Variants in EVA1A observed in about 807,000 individuals in gnomAD.
The protein encoded by EVA1A is eva-1 homolog A, regulator of programmed cell death.
A neutral mutation model predicts 9.8 loss-of-function variants in EVA1A; 7 were observed. The observed-to-expected ratio is 0.71, with a 90% confidence interval of 0.41 to 1.34. The LOEUF (loss-of-function observed/expected upper bound fraction) is 1.34. Among genes scored for constraint, EVA1A ranks in the 40% most tolerant of loss-of-function variants. EVA1A has a pLI of 0.01. For synonymous variants in EVA1A, 90 were observed against 85.6 expected (o/e 1.05, Z -0.28); for missense variants, 206 against 205.9 (o/e 1.00, Z 0.00).
At chr2:75,509,392 G>C (rs1674732121) in intron 3 of EVA1A, among the ~76,000 whole-genome samples, 2 of 152,000 alleles carry the variant, frequency 1.3e-5, no homozygotes, top group Non-Finnish European at 2.9e-5. Context: ...TCAAATATTT[G>C]CTGTTAACCA....
At chr2:75,530,988 T>A (rs1164310616) in intron 1 of EVA1A, among the ~76,000 whole-genome samples, 1 of 152,182 alleles carries the variant, frequency 6.6e-6, no homozygotes, top group African/African-American at 2.4e-5. Context: ...GATGTTATCA[T>A]ATACCTGGAA....
intron 1 of EVA1A, among the ~76,000 whole-genome samples, chr2:75,535,902 A>T (rs1244421361): frequency 4.6e-5 from 7 of 152,190 alleles, no homozygotes; most frequent in East Asian, 1.9e-4. Context: ...ATGTAACCAA[A>T]AAATACTTGT....
At chr2:75,548,022 A>G (rs918175048) in intron 1 of EVA1A, among the ~76,000 whole-genome samples, 1 of 152,258 alleles carries the variant, frequency 6.6e-6, no homozygotes, top group Non-Finnish European at 1.5e-5. Flanking sequence ...TCCTTTACAG[A>G]AAAAGTCTGC....
rs200893886 is a variant in EVA1A at position 75,505,375 on chromosome 2, G to A, written c.86-11766C>T. ...GAATCCATATGATTGATTCACTTTCGATTCTCTGGGCATTCAGCACAGTGT... is the reference window on the plus strand; with the variant it reads ...GAATCCATATGATTGATTCACTTTCAATTCTCTGGGCATTCAGCACAGTGT... On this transcript the variant is annotated intron_variant, in intron 3 of 3. Coordinates refer to ENST00000393913, the MANE Select transcript of EVA1A (RefSeq NM_001135032.2). 3.9e-5 allele frequency among the ~76,000 whole-genome samples: 6 copies of A among 152,080 alleles called. No individual in the cohort carries two copies. In the East Asian group the frequency reaches 1.2e-3, roughly 29 times the overall value.
At chr2:75,558,525 A>C (rs949017442) in intron 1 of EVA1A, 2 of 152,184 alleles carry the variant, frequency 1.3e-5, no homozygotes, top group African/African-American at 4.8e-5. Context: ...AGGAGGGGAG[A>C]GGGGAGGCTG....
chr2:75,517,881 C>A (rs755958363), intron 3 of EVA1A, 175 bp downstream of exon 3: 2 of 786,034 alleles, frequency 2.5e-6, no homozygotes, highest in South Asian at 2.9e-5. Flanking sequence ...TAGAGAATGA[C>A]AAGCTTAACT....
chr2:75,498,036 G>GTAGCAC (rs1674276548), intron 3 of EVA1A, among the ~76,000 whole-genome samples: 2 of 152,048 alleles, frequency 1.3e-5, no homozygotes, highest in Admixed American at 1.3e-4. Context: ...TATGTTTACT[G>GTAGCAC]TAGCACTAGC....
intron 3 of EVA1A, among the ~76,000 whole-genome samples, chr2:75,502,102 T>C (rs73938921): frequency 0.016 from 2,433 of 152,310 alleles, 60 homozygotes; most frequent in African/African-American, 0.056. Flanking sequence ...TCTCTTGTGT[T>C]AGTAGAAGTG....
intron 1 of EVA1A, among the ~76,000 whole-genome samples, chr2:75,531,032 T>C (rs1173618815): frequency 2.6e-5 from 4 of 152,164 alleles, no homozygotes; most frequent in Non-Finnish European, 5.9e-5. Context: ...CTCCTAGAAC[T>C]GATAAATGAA....
chr2:75,530,886 C>A (rs1237357173), intron 1 of EVA1A, among the ~76,000 whole-genome samples: 5 of 151,810 alleles, frequency 3.3e-5, no homozygotes, highest in African/African-American at 7.3e-5. Flanking sequence ...AAACATAGTA[C>A]TGGAAGTCCT....
At chr2:75,517,741 C>T in intron 3 of EVA1A, 1 of 713,196 alleles carries the variant, frequency 1.4e-6, no homozygotes, top group Middle Eastern at 2.3e-4. Context: ...ACTCCATCAG[C>T]CCCCTCCTTG....
chr2:75,499,912 T>C (rs1377475934), intron 3 of EVA1A, among the ~76,000 whole-genome samples: 1 of 152,238 alleles, frequency 6.6e-6, no homozygotes, highest in Non-Finnish European at 1.5e-5. Flanking sequence ...TGAACAGGCA[T>C]AGCTGGTTTT....
chr2:75,511,954 G>C (rs189004728), intron 3 of EVA1A, among the ~76,000 whole-genome samples: 53 of 152,216 alleles, frequency 3.5e-4, no homozygotes, highest in African/African-American at 1.2e-3. Flanking sequence ...GATATGAAAT[G>C]CTGAATGTGT....
intron 2 of EVA1A, among the ~76,000 whole-genome samples, chr2:75,522,068 T>C (rs749639371): frequency 7.2e-5 from 11 of 152,158 alleles, no homozygotes; most frequent in Admixed American, 3.3e-4. Context: ...AAAAATTGGA[T>C]TGTAAATAAG....
intron 1 of EVA1A, among the ~76,000 whole-genome samples, chr2:75,548,047 G>C (rs112284027): frequency 4.6e-5 from 7 of 152,352 alleles, no homozygotes; most frequent in African/African-American, 1.4e-4. Context: ...CCCTGGGTAA[G>C]TTGCCATTCC....
At chr2:75,555,301 ATCTC>A (rs58092436) in intron 1 of EVA1A, among the ~76,000 whole-genome samples, 872 of 57,178 alleles carry the variant, frequency 0.015, 22 homozygotes, top group Non-Finnish European at 0.026. Flanking sequence ...TCAAAACTCA[ATCTC>A]TCTCTCTCTC....
chr2:75,526,923 G>A (rs1467895210), intron 1 of EVA1A, among the ~76,000 whole-genome samples: 1 of 152,196 alleles, frequency 6.6e-6, no homozygotes, highest in African/African-American at 2.4e-5. Context: ...TGGTCTGAAA[G>A]ACTTGTTGGG....
At chr2:75,555,637 T>C (rs914923926) in intron 1 of EVA1A, among the ~76,000 whole-genome samples, 1 of 152,066 alleles carries the variant, frequency 6.6e-6, no homozygotes, top group Non-Finnish European at 1.5e-5. Context: ...CCAGCAGAGA[T>C]AAGAGGCAGA....
chr2:75,524,166 C>A (rs1418966977), intron 1 of EVA1A: 3 of 152,186 alleles, frequency 2.0e-5, no homozygotes, highest in Non-Finnish European at 1.5e-5. Flanking sequence ...GTCAATTAAA[C>A]CTCTTTCCTT....
Sources: allele counts gnomAD v4.1 joint callset (sites outside exome capture counted in the v4.1 genomes callset), GRCh38; gene constraint gnomAD v4.1.1; transcripts MANE v1.5; gene names NCBI Gene and HGNC (gene_info 2026-07-23, HGNC 2026-07-21).